KIF15: variants seen among roughly 807,000 people sequenced by gnomAD.
KIF15 encodes the protein kinesin family member 15.
KIF15 carries 140 observed loss-of-function variants against 190.6 expected under a neutral mutation model. The ratio of observed to expected loss-of-function variants is 0.73; its 90% CI spans 0.64 to 0.84. The LOEUF is 0.84. KIF15 is among the 40% of genes least tolerant of loss of function. The pLI, the probability that KIF15 is intolerant of heterozygous loss-of-function variation, is 0.00. For synonymous variants in KIF15, 528 were observed against 551.3 expected (o/e 0.96, Z 0.59); for missense variants, 1,372 against 1,584.4 (o/e 0.87, Z 2.28).
intron 30 of KIF15, among the ~76,000 whole-genome samples, chr3:44,844,382 T>C (rs1456896010): frequency 6.6e-6 from 1 of 152,152 alleles, no homozygotes; most frequent in Non-Finnish European, 1.5e-5. Flanking sequence ...GTGCCTCCCT[T>C]TGTAGGTGAT....
At chr3:44,789,230 T>C (rs1706553952) in intron 7 of KIF15, among the ~76,000 whole-genome samples, 2 of 152,162 alleles carry the variant, frequency 1.3e-5, no homozygotes, top group Non-Finnish European at 2.9e-5. Flanking sequence ...TACTTCTTAA[T>C]ACTTCTTTAA....
intron 24 of KIF15, 72 bp downstream of exon 24, chr3:44,828,372 A>G (rs1307954320): frequency 2.8e-6 from 3 of 1,060,308 alleles, no homozygotes; most frequent in Non-Finnish European, 4.4e-6. Context: ...TTGTTCTCCT[A>G]CCTCTTCTTG....
chr3:44,801,911 G>T lies in KIF15; in HGVS notation c.1446G>T (p.Leu482=). 6.2e-7 allele frequency: 1 copy of T among 1,614,000 alleles called. No individual in the cohort carries two copies. Among genetic ancestry groups the T allele is most frequent in the Non-Finnish European group, 8.5e-7 (1 of 1,179,942 alleles). ...ACAAGGAATCCCGGGGAGGTTTTCTGCCTGAGGAGCAGGATCGTTTGCTCT... is the reference window on the plus strand; with the variant it reads ...ACAAGGAATCCCGGGGAGGTTTTCTTCCTGAGGAGCAGGATCGTTTGCTCT... ...KLHKESRGGF[L]PEEQDRLLSE... Residue 482 remains leucine, a synonymous_variant, in exon 13 of 35, where the codon CTG becomes CTT. Coordinates refer to ENST00000326047, the MANE Select transcript of KIF15 (RefSeq NM_020242.3).
chr3:44,797,747 C>T, intron 9 of KIF15, 71 bp downstream of exon 9: 1 of 1,603,438 alleles, frequency 6.2e-7, no homozygotes, highest in Non-Finnish European at 8.5e-7. Flanking sequence ...AGTCTCTCAG[C>T]CTTGGTGGCA....
intron 6 of KIF15, chr3:44,862,397 C>G (rs1177725559): frequency 6.5e-6 from 1 of 154,128 alleles, no homozygotes; most frequent in African/African-American, 2.4e-5. Flanking sequence ...CTTCCCTTAC[C>G]AGGGACCTAA....
At chr3:44,773,953 A>C (rs1705751562) in intron 1 of KIF15, among the ~76,000 whole-genome samples, 1 of 152,200 alleles carries the variant, frequency 6.6e-6, no homozygotes, top group African/African-American at 2.4e-5. Context: ...ATTGAATACC[A>C]GGCCACAACA....
At chr3:44,834,164 T>C (rs1698199270) in intron 26 of KIF15, among the ~76,000 whole-genome samples, 1 of 152,250 alleles carries the variant, frequency 6.6e-6, no homozygotes, top group Non-Finnish European at 1.5e-5. Context: ...CTAATTCATA[T>C]TCCCTTTGTA....
chr3:44,786,136 A>G (rs988992975), intron 6 of KIF15, among the ~76,000 whole-genome samples: 2 of 152,202 alleles, frequency 1.3e-5, no homozygotes, highest in African/African-American at 4.8e-5. Flanking sequence ...GAATGGCGTG[A>G]ACCTGGGAGG....
At chr3:44,846,240 T>G (rs1048813661) in intron 30 of KIF15, among the ~76,000 whole-genome samples, 1 of 152,192 alleles carries the variant, frequency 6.6e-6, no homozygotes, top group Non-Finnish European at 1.5e-5. Flanking sequence ...GCACAGTTGG[T>G]AGCAGGGCCT....
intron 28 of KIF15, 41 bp from the exon 29 acceptor site, chr3:44,841,033 C>G (rs1211558751): frequency 1.3e-5 from 20 of 1,502,238 alleles, no homozygotes; most frequent in Non-Finnish European, 1.8e-5. Flanking sequence ...TTTATAATAT[C>G]ACTTAATTGG....
chr3:44,849,561 A>G (rs902471842), intron 32 of KIF15, among the ~76,000 whole-genome samples: 2 of 152,172 alleles, frequency 1.3e-5, no homozygotes, highest in African/African-American at 4.8e-5. Context: ...CTTTCTGTTT[A>G]AGAAATACAT....
chr3:44,846,971 G>T (rs1046801244), intron 30 of KIF15, among the ~76,000 whole-genome samples: 1 of 152,008 alleles, frequency 6.6e-6, no homozygotes, highest in Admixed American at 6.6e-5. Flanking sequence ...TATTGTTGTG[G>T]CTACTTTTGC....
downstream of KIF15, among the ~76,000 whole-genome samples, chr3:44,855,482 G>A (rs781418162): frequency 1.3e-5 from 2 of 152,150 alleles, no homozygotes; most frequent in African/African-American, 4.8e-5. Flanking sequence ...GAGGCCTGAC[G>A]TTCCTGTCTT....
chr3:44,860,747 A>ACTTG (rs1699232686), intron 6 of KIF15, among the ~76,000 whole-genome samples: 1 of 152,186 alleles, frequency 6.6e-6, no homozygotes, highest in Non-Finnish European at 1.5e-5. Context: ...TTCCATAAAA[A>ACTTG]CTTGCTAAAC....
At chr3:44,773,136 TA>T (rs58175574) in intron 1 of KIF15, among the ~76,000 whole-genome samples, 32 of 142,730 alleles carry the variant, frequency 2.2e-4, no homozygotes, top group Admixed American at 2.8e-4. Flanking sequence ...TAAAACATCT[TA>T]AAAAAAAAAA....
chr3:44,796,064 T>C (rs1372748481), intron 8 of KIF15, among the ~76,000 whole-genome samples: 2 of 152,168 alleles, frequency 1.3e-5, no homozygotes, highest in African/African-American at 4.8e-5. Context: ...GGTTTCACCA[T>C]TTTGGCCAGG....
rs1179372821 is a variant in KIF15 at position 44,845,013 on chromosome 3, A to G, written c.3695+1779A>G. ...ACTGAAGAACATCACCTAAGAGATT[A>G]TTGTGAAGGTATGAGAAAATAGGAG... On this transcript the variant is annotated intron_variant, in intron 30 of 34. Coordinates refer to ENST00000326047, the MANE Select transcript of KIF15 (RefSeq NM_020242.3). Among the ~76,000 whole-genome samples the G allele has an allele frequency of 2.6e-5, 4 of 152,352 alleles. No individual in the cohort carries two copies. The East Asian group carries it at 7.7e-4, about 29-fold the overall frequency.
chr3:44,843,994 T>G (rs998372553), intron 30 of KIF15, among the ~76,000 whole-genome samples: 4 of 152,200 alleles, frequency 2.6e-5, no homozygotes, highest in Admixed American at 2.0e-4. Flanking sequence ...AGAATTATGA[T>G]TCTGCCTATT....
Position 44,830,939 on chromosome 3 carries a change from T to C in KIF15, c.3092T>C (p.Val1031Ala). Residue 1031 changes from valine (V) to alanine (A), a missense_variant, in exon 26 of 35, where the codon GTG becomes GCG. By Grantham distance (64) the Val-to-Ala change is moderately conservative. Coordinates refer to ENST00000326047, the MANE Select transcript of KIF15 (RefSeq NM_020242.3). Reference sequence around the variant, plus strand: ...TTGGTTGACAGAGAAGAGAGCAGAGTGTTGATCAAGAAGCAGGAAGTGGAT... The same window carrying C: ...TTGGTTGACAGAGAAGAGAGCAGAGCGTTGATCAAGAAGCAGGAAGTGGAT... ...SALVDREESR[V>A]LIKKQEVDIL... is the part of the protein sequence containing the mutation. 1.2e-6 allele frequency: 2 copies of C among 1,613,882 alleles called. No homozygotes were observed. The highest frequency in any genetic ancestry group is 1.7e-6 in the Non-Finnish European group (2 of 1,179,960).
Sources: gnomAD v4.1 joint callset for allele counts (sites outside exome capture counted in the v4.1 genomes callset) on GRCh38, gnomAD v4.1.1 for gene constraint, MANE v1.5 for transcripts, NCBI Gene and HGNC (gene_info 2026-07-23, HGNC 2026-07-21) for gene names.